The following CASP9 variants were observed in gnomAD, a reference collection of about 807,000 sequenced individuals.
CASP9 encodes caspase 9, also known as caspase-9.
A neutral mutation model predicts 43.5 loss-of-function variants in CASP9; 29 were observed. The observed-to-expected ratio is 0.67, with a 90% CI of 0.50 to 0.91. CASP9 has a LOEUF of 0.91. CASP9 is among the 40% of genes least tolerant of loss of function. The pLI, the probability that CASP9 is intolerant of heterozygous loss-of-function variation, is 0.00. For synonymous variants in CASP9, 206 were observed against 211.9 expected (o/e 0.97, Z 0.24); for missense variants, 575 against 537.4 (o/e 1.07, Z -0.69).
intron 1 of CASP9, among the ~76,000 whole-genome samples, chr1:15,520,954 G>A (rs912314982): frequency 2.0e-5 from 3 of 151,926 alleles, no homozygotes; most frequent in African/African-American, 7.2e-5. Flanking sequence ...TCAGGAGATC[G>A]AGACCATCCT....
At chr1:15,498,973 G>A (rs532478510) in intron 6 of CASP9, among the ~76,000 whole-genome samples, 10 of 152,082 alleles carry the variant, frequency 6.6e-5, no homozygotes, top group Non-Finnish European at 1.2e-4. Flanking sequence ...TCCTGACCTC[G>A]TGATCTGCCC....
chr1:15,505,152 G>A (rs550759776), intron 5 of CASP9, among the ~76,000 whole-genome samples: 4 of 152,320 alleles, frequency 2.6e-5, no homozygotes, highest in African/African-American at 9.6e-5. Flanking sequence ...GACTGAGGCA[G>A]CTCAACGCTG....
At chr1:15,512,790 G>A (rs1164750306) in intron 2 of CASP9, among the ~76,000 whole-genome samples, 6 of 152,154 alleles carry the variant, frequency 3.9e-5, no homozygotes, top group African/African-American at 1.4e-4. Context: ...TGTCCACTGT[G>A]ACACAGCTGC....
At chr1:15,509,476 A>G (rs934971141) in intron 2 of CASP9, among the ~76,000 whole-genome samples, 26 of 148,684 alleles carry the variant, frequency 1.7e-4, no homozygotes, top group South Asian at 6.3e-4. Flanking sequence ...AAAAAAAAAA[A>G]AAAGAAAAAT....
At chr1:15,504,897 G>A (rs1267958567) in intron 5 of CASP9, 139 bp from the exon 6 acceptor site, 2 of 751,726 alleles carry the variant, frequency 2.7e-6, no homozygotes, top group African/African-American at 3.5e-5. Flanking sequence ...GAGCAGGTTG[G>A]TTCTGGAAAG....
At chr1:15,493,587 G>A in intron 8 of CASP9, 1 of 1,432,826 alleles carries the variant, frequency 7.0e-7, no homozygotes, top group Non-Finnish European at 9.1e-7. Flanking sequence ...TCAGGGTCTG[G>A]ACAGAGCCAT....
rs187489303 is a variant in CASP9 at position 15,509,041 on chromosome 1, T to C, written c.419-1134A>G. ...ATGCATCCTATGCAAATGAAACACCTGGTCTGACCAATCTTTGTGCCCTTT... is the reference window on the plus strand; with the variant it reads ...ATGCATCCTATGCAAATGAAACACCCGGTCTGACCAATCTTTGTGCCCTTT... On this transcript the variant is annotated intron_variant, in intron 2 of 8. Coordinates refer to ENST00000333868, the MANE Select transcript of CASP9 (RefSeq NM_001229.5). 7.8e-4 allele frequency among the ~76,000 whole-genome samples: 119 copies of C among 152,352 alleles called. 1 individual carries two copies. Among genetic ancestry groups the C allele is most frequent in the African/African-American group, 2.8e-3 (118 of 41,592 alleles).
chr1:15,492,564 T>G lies in CASP9; in HGVS notation c.*379A>C. 9.7e-6 allele frequency: 2 copies of G among 206,910 alleles called. No homozygotes were observed. The highest frequency in any genetic ancestry group is 5.6e-5 in the Admixed American group (1 of 17,946). The allele number at this position is 206,910 out of a possible 1,614,324, so 12.8% of individuals were successfully genotyped here. On this transcript the variant is annotated 3_prime_UTR_variant, in exon 9 of 9. Transcript: ENST00000333868. ...TTACTGGCATTGAGGCAAGGGACAGTGCTGAACATCCCACAATGTACAGGA... is the reference window on the plus strand; with the variant it reads ...TTACTGGCATTGAGGCAAGGGACAGGGCTGAACATCCCACAATGTACAGGA...
intron 6 of CASP9, among the ~76,000 whole-genome samples, chr1:15,501,389 T>C (rs4646071): frequency 6.6e-6 from 1 of 151,800 alleles, no homozygotes; most frequent in African/African-American, 2.4e-5. Context: ...ATTTTTAAAT[T>C]ATTTATTATT....
chr1:15,515,021 A>G (rs1709898933), intron 2 of CASP9, among the ~76,000 whole-genome samples: 1 of 152,134 alleles, frequency 6.6e-6, no homozygotes, highest in Non-Finnish European at 1.5e-5. Context: ...TAATAATAAT[A>G]AAGTAAAAAA....
chr1:15,516,348 C>T (rs1382950471), intron 2 of CASP9, among the ~76,000 whole-genome samples: 1 of 151,536 alleles, frequency 6.6e-6, no homozygotes, highest in African/African-American at 2.4e-5. Context: ...AAAAATTAGC[C>T]AGGCCTGGTG....
chr1:15,504,560 C>G, intron 6 of CASP9, 51 bp downstream of exon 6: 1 of 1,545,360 alleles, frequency 6.5e-7, no homozygotes. Flanking sequence ...AAGCAGGTGG[C>G]GGCTCCCTCC....
Position 15,504,749 on chromosome 1 carries a change from G to A in CASP9, c.730C>T (p.Leu244=), listed in dbSNP as rs750066689. ...CCGTAGACAGCCCCTGGGAACTGCA[G>A]GTGGCTGGCCTAGAAGACCAAGAAC... ...ILSHGCQASH[L]QFPGAVYGTD... The change falls in exon 6 of 9, where the codon CTG becomes TTG. Residue 244 remains leucine, a synonymous_variant. Transcript: ENST00000333868. The A allele has an allele frequency of 6.2e-6, 10 of 1,613,026 alleles. No individual in the cohort carries two copies. The highest frequency in any genetic ancestry group is 2.5e-6 in the Non-Finnish European group (3 of 1,179,646).
rs1710035823 is a variant in CASP9 at position 15,518,270 on chromosome 1, A to T, written c.258T>A (p.Ala86=). 6.2e-7 allele frequency: 1 copy of T among 1,614,216 alleles called. No homozygotes were observed. The highest frequency in any genetic ancestry group is 8.5e-7 in the Non-Finnish European group (1 of 1,180,048). Residue 86 remains alanine, a synonymous_variant, in exon 2 of 9, where the codon GCT becomes GCA. Coordinates refer to ENST00000333868, the MANE Select transcript of CASP9 (RefSeq NM_001229.5). ...CTTGCCTGTTAGTTCGCAGAAACGAAGCCAGCATGTCCTGGCCTGTGTCCT... is the reference window on the plus strand; with the variant it reads ...CTTGCCTGTTAGTTCGCAGAAACGATGCCAGCATGTCCTGGCCTGTGTCCT... The part of the protein sequence containing the change: ...CLEDTGQDML[A]SFLRTNRQAA...
At chr1:15,504,319 T>C (rs1709436128) in intron 6 of CASP9, among the ~76,000 whole-genome samples, 1 of 152,246 alleles carries the variant, frequency 6.6e-6, no homozygotes. Context: ...AAGAGGTTTC[T>C]CCTCTCTCTT....
chr1:15,519,113 G>A (rs1324407214), intron 1 of CASP9, among the ~76,000 whole-genome samples: 1 of 151,510 alleles, frequency 6.6e-6, no homozygotes, highest in East Asian at 1.9e-4. Context: ...GACCTCAAGT[G>A]ATCCTCCAGC....
At position 15,493,051 on chromosome 1, in the gene CASP9, A is replaced by G. The variant is rs1401684092; in HGVS notation, c.1159-16T>C. 6.2e-7 allele frequency: 1 copy of G among 1,613,696 alleles called. No homozygotes were observed. The highest frequency in any genetic ancestry group is 8.5e-7 in the Non-Finnish European group (1 of 1,180,024). Reference sequence around the variant, plus strand: ...CATTAGCGACCTGTAAGACATGACCATGGAGAGCTCTGTGAGTTCAGTTCT... The same window carrying G: ...CATTAGCGACCTGTAAGACATGACCGTGGAGAGCTCTGTGAGTTCAGTTCT... On this transcript the variant is annotated splice_polypyrimidine_tract_variant and intron_variant, in intron 8 of 8. Coordinates refer to ENST00000333868, the MANE Select transcript of CASP9 (RefSeq NM_001229.5).
At position 15,505,859 on chromosome 1, in the gene CASP9, G is replaced by C. The variant is rs952317952; in HGVS notation, c.720+131C>G. ...GCTCCCAAGAAAACAACAGGAGGTG[G>C]GCAGGGCCCCACAGCCCTTTTCCAC... On this transcript the variant is annotated intron_variant, in intron 5 of 8. Transcript: ENST00000333868. 2.9e-5 allele frequency: 21 copies of C among 733,968 alleles called. No individual in the cohort carries two copies. In the African/African-American group the frequency reaches 3.5e-4, roughly 12 times the overall value. The allele number at this position is 733,968 out of a possible 1,614,324, so 45.5% of individuals were successfully genotyped here.
intron 2 of CASP9, among the ~76,000 whole-genome samples, chr1:15,511,220 A>C (rs531093566): frequency 6.6e-6 from 1 of 152,264 alleles, no homozygotes; most frequent in East Asian, 1.9e-4. Context: ...GGTTTCTTTC[A>C]GTTGTTTTGG....
Sources: gnomAD v4.1 joint callset for allele counts (sites outside exome capture counted in the v4.1 genomes callset) on GRCh38, gnomAD v4.1.1 for gene constraint, MANE v1.5 for transcripts, NCBI Gene and HGNC (gene_info 2026-07-23, HGNC 2026-07-21) for gene names.